Variants in LRP5 observed in about 807,000 individuals in gnomAD.
LRP5 encodes low-density lipoprotein receptor-related protein 5.
In LRP5, 62 loss-of-function variants were observed where a neutral mutation model predicts 154.1. The ratio of observed to expected loss-of-function variants is 0.40; its 90% CI spans 0.33 to 0.50. The LOEUF (loss-of-function observed/expected upper bound fraction) is 0.50. LRP5 is among the 20% of genes least tolerant of loss of function. The pLI is 0.55. For synonymous variants in LRP5, 966 were observed against 1,011.5 expected (o/e 0.96, Z 0.85); for missense variants, 1,915 against 2,336.7 (o/e 0.82, Z 3.72).
At chr11:68,370,460 C>T (rs1361928304) in intron 5 of LRP5, among the ~76,000 whole-genome samples, 1 of 152,062 alleles carries the variant, frequency 6.6e-6, no homozygotes, top group African/African-American at 2.4e-5. Context: ...TGGCAGGGGG[C>T]CTGGTGGCTC....
Position 68,423,568 on chromosome 11 carries a change from G to A in LRP5, c.3107G>A (p.Arg1036Gln), listed in dbSNP as rs61889560. 7,051 of 1,614,172 alleles carry A rather than the reference G, an allele frequency of 4.4e-3. 22 individuals carry two copies. The highest frequency in any genetic ancestry group is 6.6e-3 in the Middle Eastern group (40 of 6,062). Residue 1036 changes from arginine (R) to glutamine (Q), a missense_variant, in exon 14 of 23, where the codon CGG (arginine) becomes CAG (glutamine). Physicochemically the swap from Arg to Gln is conservative, Grantham distance 43. This residue lies in a region of LRP5 where 1,094 missense variants were observed against 1,210.1 expected (regional missense o/e 0.90). Transcript: ENST00000294304. This position sits in a 1 kb window ranked among gnomAD's most constrained non-coding sequence, Gnocchi z 4.7. ...PHDLSIDIYSRTLFWTCEATN... is the reference protein window; with the variant it reads ...PHDLSIDIYSQTLFWTCEATN... ...GACCTCAGCATCGACATCTACAGCC[G>A]GACACTGTTCTGGACGTGCGAGGCC...
intron 5 of LRP5, among the ~76,000 whole-genome samples, chr11:68,368,334 C>T (rs1371614555): frequency 6.6e-6 from 1 of 152,182 alleles, no homozygotes; most frequent in Non-Finnish European, 1.5e-5. Flanking sequence ...GTGTGGCCGC[C>T]TGAGCCGGCA....
chr11:68,388,276 G>A (rs1333080470), intron 6 of LRP5, among the ~76,000 whole-genome samples: 1 of 152,126 alleles, frequency 6.6e-6, no homozygotes, highest in African/African-American at 2.4e-5. Flanking sequence ...ACACGGCCCT[G>A]AGGTCAGGAG....
chr11:68,382,773 G>T (rs2098640952), intron 5 of LRP5, among the ~76,000 whole-genome samples: 1 of 152,220 alleles, frequency 6.6e-6, no homozygotes, highest in Non-Finnish European at 1.5e-5. Context: ...GTGTCCTTGG[G>T]CCGGGAGCCT....
chr11:68,323,106 T>C (rs2098597660), intron 1 of LRP5, among the ~76,000 whole-genome samples: 1 of 152,234 alleles, frequency 6.6e-6, no homozygotes, highest in South Asian at 2.1e-4. Flanking sequence ...TTGGTGGTTT[T>C]GATTGATTTA....
In LRP5 at chr11:68,423,557, C is replaced by T; in HGVS notation, c.3096C>T (p.Asp1032=). The T allele has an allele frequency of 6.2e-7, 1 of 1,614,242 alleles. No homozygotes were observed. Among genetic ancestry groups the T allele is most frequent in the Non-Finnish European group, 8.5e-7 (1 of 1,180,042 alleles). Residue 1032 remains aspartate (D), a synonymous_variant, in exon 14 of 23, where the codon GAC becomes GAT. Coordinates refer to ENST00000294304, the MANE Select transcript of LRP5 (RefSeq NM_002335.4). This position sits in a 1 kb window ranked among gnomAD's most constrained non-coding sequence, Gnocchi z 4.7. ...GGCAGCCCCACGACCTCAGCATCGA[C>T]ATCTACAGCCGGACACTGTTCTGGA... ...PDRQPHDLSI[D]IYSRTLFWTC... is the part of the protein sequence containing the mutation.
rs377410080 is a variant in LRP5, at chr11:68,423,552, A to T, written c.3091A>T (p.Ile1031Phe). 3 of 1,614,206 alleles carry T rather than the reference A, an allele frequency of 1.9e-6. No homozygotes were observed. The highest frequency in any genetic ancestry group is 2.5e-6 in the Non-Finnish European group (3 of 1,180,030). The change falls in exon 14 of 23, where the codon ATC (isoleucine) becomes TTC (phenylalanine). Residue 1031 changes from isoleucine to phenylalanine, a missense_variant. Ile to Phe is a conservative substitution (Grantham distance 21). Coordinates refer to ENST00000294304, the MANE Select transcript of LRP5 (RefSeq NM_002335.4). This position sits in a 1 kb window ranked among gnomAD's most constrained non-coding sequence, Gnocchi z 4.7. ...NPDRQPHDLS[I>F]DIYSRTLFWT... ...AGACAGGCAGCCCCACGACCTCAGC[A>T]TCGACATCTACAGCCGGACACTGTT...
chr11:68,318,340 C>T lies in LRP5; in HGVS notation c.91+5535C>T, dbSNP rs369892821. On this transcript the variant is annotated intron_variant, in intron 1 of 22. Coordinates refer to ENST00000294304, the MANE Select transcript of LRP5 (RefSeq NM_002335.4). Reference sequence around the variant, plus strand: ...GATTACAGGCGTGAGCCACCACACCCGGCCTGCTTTTTTTTTTTTTTTTGA... The same window carrying T: ...GATTACAGGCGTGAGCCACCACACCTGGCCTGCTTTTTTTTTTTTTTTTGA... Among the ~76,000 whole-genome samples, 216 of 149,328 alleles carry T rather than the reference C, an allele frequency of 1.4e-3. 1 individual carries two copies. Among genetic ancestry groups the T allele is most frequent in the African/African-American group, 4.7e-3 (187 of 40,106 alleles).
At chr11:68,406,377 G>A in intron 8 of LRP5, 147 bp from the exon 9 acceptor site, 4 of 830,002 alleles carry the variant, frequency 4.8e-6, no homozygotes, top group Non-Finnish European at 8.3e-6. Context: ...ACCCAGCCAT[G>A]AGGTCGGACC....
At chr11:68,442,275 A>G (rs1239952332) in intron 21 of LRP5, among the ~76,000 whole-genome samples, 3 of 152,162 alleles carry the variant, frequency 2.0e-5, no homozygotes, top group Non-Finnish European at 2.9e-5. Flanking sequence ...AGATTGACAT[A>G]AGTGTTTTTT....
At chr11:68,350,377 G>A (rs1251968711) in intron 2 of LRP5, among the ~76,000 whole-genome samples, 1 of 152,224 alleles carries the variant, frequency 6.6e-6, no homozygotes, top group Non-Finnish European at 1.5e-5. Flanking sequence ...AGGAGTGGGC[G>A]GCCATGCATC....
chr11:68,312,833 C>G, intron 1 of LRP5, 28 bp downstream of exon 1: 1 of 1,019,662 alleles, frequency 9.8e-7, no homozygotes, highest in Non-Finnish European at 1.2e-6. Context: ...GGCCGGGGGC[C>G]GCGGGTTGCT....
In LRP5 at chr11:68,444,369, T is replaced by C. The variant is rs369211508; in HGVS notation, c.4489-2067T>C. On this transcript the variant is annotated intron_variant, in intron 21 of 22. Coordinates refer to ENST00000294304, the MANE Select transcript of LRP5 (RefSeq NM_002335.4). The stretch of plus-strand genomic sequence containing the variant: ...ATCTCTACTAAAAATACAAAAAAAT[T>C]AGCTGGGTGTGGTGGCGCATGCCTG... Among the ~76,000 whole-genome samples the C allele has an allele frequency of 8.1e-4, 123 of 151,792 alleles. 2 individuals are homozygous for C. In the South Asian group the frequency reaches 0.025, roughly 31 times the overall value.
intron 3 of LRP5, 116 bp downstream of exon 3, chr11:68,357,963 G>A: frequency 2.0e-6 from 2 of 1,001,720 alleles, no homozygotes; most frequent in East Asian, 2.6e-5. Context: ...GGGCCCTGAG[G>A]AATGCAGGAC....
chr11:68,410,257 T>C, intron 10 of LRP5, 117 bp downstream of exon 10: 1 of 839,422 alleles, frequency 1.2e-6, no homozygotes, highest in Non-Finnish European at 2.0e-6. Flanking sequence ...AGAGCTGTAC[T>C]GACGTCATTA....
chr11:68,437,021 G>A (rs759315801), intron 19 of LRP5, 22 bp downstream of exon 19: 1 of 1,601,172 alleles, frequency 6.2e-7, no homozygotes, highest in Non-Finnish European at 8.5e-7. Flanking sequence ...TCTGGCACGG[G>A]GAAGGGGCGT....
In LRP5 at chr11:68,423,362, A is replaced by T; in HGVS notation, c.3028-127A>T. The stretch of plus-strand genomic sequence containing the variant: ...TGCCAGAGCTCTCCAGCCAGTGCCC[A>T]GGGCTCTCCAGCCAGTGCCCGGGGG... On this transcript the variant is annotated intron_variant, in intron 13 of 22. Coordinates refer to ENST00000294304, the MANE Select transcript of LRP5 (RefSeq NM_002335.4). The surrounding 1 kb of genome is among the most constrained non-coding windows in gnomAD (Gnocchi z 4.7). The T allele has an allele frequency of 1.2e-6, 1 of 849,192 alleles. No homozygotes were observed. 52.6% of individuals were successfully genotyped at this position (849,192 alleles called of 1,614,324 possible).
At chr11:68,443,585 A>ATAT (rs1259673892) in intron 21 of LRP5, among the ~76,000 whole-genome samples, 14 of 24,848 alleles carry the variant, frequency 5.6e-4, no homozygotes, top group African/African-American at 2.0e-3. Context: ...ATATATATAT[A>ATAT]TTTTTTTTTT....
chr11:68,361,195 C>T (rs2153137937), intron 3 of LRP5, among the ~76,000 whole-genome samples: 1 of 147,934 alleles, frequency 6.8e-6, no homozygotes, highest in East Asian at 2.0e-4. Flanking sequence ...GTCCCAGCTA[C>T]TCGGGAGGCT....
Sources: allele counts gnomAD v4.1 joint callset (sites outside exome capture counted in the v4.1 genomes callset), GRCh38; gene constraint gnomAD v4.1.1; regional missense constraint gnomAD v4.1.1; non-coding constraint Gnocchi (gnomAD v3.1); transcripts MANE v1.5; gene names NCBI Gene and HGNC (gene_info 2026-07-23, HGNC 2026-07-21).